The following NDE1 variants were observed in gnomAD, a reference collection of about 807,000 sequenced individuals.
NDE1 encodes nuclear distribution protein nudE homolog 1.
NDE1 carries 28 observed loss-of-function variants against 43.4 expected under a neutral mutation model. The observed-to-expected ratio is 0.65, with a 90% confidence interval of 0.48 to 0.89. NDE1 has a LOEUF of 0.89. Ranked by LOEUF, NDE1 falls within the 40% of genes least tolerant of loss-of-function variation. NDE1 has a pLI of 0.00. For synonymous variants in NDE1, 184 were observed against 172.0 expected, an observed-to-expected ratio of 1.07 and a Z score of -0.55; for missense variants, 441 against 434.1, an observed-to-expected ratio of 1.02 and a Z score of -0.14.
At chr16:15,644,822 T>C (rs2036282744) in intron 1 of NDE1, among the ~76,000 whole-genome samples, 1 of 152,184 alleles carries the variant, frequency 6.6e-6, no homozygotes, top group Non-Finnish European at 1.5e-5. Context: ...ACTAAAAATC[T>C]TAAGAAACAA....
chr16:15,680,111 A>G (rs563671633), intron 4 of NDE1, among the ~76,000 whole-genome samples: 2 of 151,974 alleles, frequency 1.3e-5, no homozygotes, highest in Non-Finnish European at 2.9e-5. Flanking sequence ...TTCTTGATTT[A>G]TTTGGTTTTC....
intron 3 of NDE1, among the ~76,000 whole-genome samples, chr16:15,668,968 C>A (rs931113810): frequency 4.6e-5 from 7 of 151,938 alleles, no homozygotes; most frequent in African/African-American, 1.7e-4. Context: ...AGCGCGATCT[C>A]GGCTCACTGC....
At chr16:15,713,512 T>C (rs2039938808) in intron 8 of NDE1, 1 of 152,394 alleles carries the variant, frequency 6.6e-6, no homozygotes, top group South Asian at 2.1e-4. Flanking sequence ...TTTGGGTTTT[T>C]TGAGACAGGG....
At chr16:15,718,122 G>A in intron 8 of NDE1, 1 of 831,818 alleles carries the variant, frequency 1.2e-6, no homozygotes, top group Non-Finnish European at 1.9e-6. Context: ...AGCGTGGAGA[G>A]GAGTATTCTG....
chr16:15,712,594 C>T (rs1390751347), intron 8 of NDE1, among the ~76,000 whole-genome samples: 1 of 152,018 alleles, frequency 6.6e-6, no homozygotes, highest in Non-Finnish European at 1.5e-5. Context: ...AGACTCTGCC[C>T]AAAAGAGAAC....
Position 15,717,279 on chromosome 16 carries a change from G to C in NDE1, c.948-6912G>C, listed in dbSNP as rs1596704952. The C allele has an allele frequency of 6.2e-7, 1 of 1,613,708 alleles. No individual in the cohort carries two copies. The highest frequency in any genetic ancestry group is 8.5e-7 in the Non-Finnish European group (1 of 1,180,042). Reference sequence around the variant, plus strand: ...AGCTCCTTGTTCTGCCGCTCGAGCTGCTGCCGGGCACTCTCATTCTTCTGG... The same window carrying C: ...AGCTCCTTGTTCTGCCGCTCGAGCTCCTGCCGGGCACTCTCATTCTTCTGG... On this transcript the variant is annotated intron_variant, in intron 8 of 8. Coordinates refer to ENST00000396354, the MANE Select transcript of NDE1 (RefSeq NM_017668.3).
chr16:15,720,017 A>G, intron 8 of NDE1: 1 of 1,296,340 alleles, frequency 7.7e-7, no homozygotes, highest in South Asian at 1.2e-5. Context: ...GAATGGTTCC[A>G]GAAAAACCCC....
chr16:15,695,716 G>A, intron 7 of NDE1: 2 of 985,044 alleles, frequency 2.0e-6, no homozygotes, highest in Non-Finnish European at 2.4e-6. Flanking sequence ...ATAGAAGCTT[G>A]CAACTCATTT....
At chr16:15,687,176 C>A in intron 4 of NDE1, 199 bp from the exon 5 acceptor site, 1 of 1,497,322 alleles carries the variant, frequency 6.7e-7, no homozygotes, top group Non-Finnish European at 8.9e-7. Flanking sequence ...ACCCCATGAG[C>A]TATGATGAGT....
Position 15,716,013 on chromosome 16 carries a change from G to A in NDE1, c.948-8178G>A, listed in dbSNP as rs543519274. Among the ~76,000 whole-genome samples, 7 of 152,220 alleles carry A rather than the reference G, an allele frequency of 4.6e-5. No individual in the cohort carries two copies. The East Asian group carries it at 1.4e-3, about 29-fold the overall frequency. On this transcript the variant is annotated intron_variant, in intron 8 of 8. Coordinates refer to ENST00000396354, the MANE Select transcript of NDE1 (RefSeq NM_017668.3). ...ACAGTGGTGTGCACCTGTAGTCCCA[G>A]CTACTTGGGAGGGTGAGGCGGAGGT...
intron 4 of NDE1, chr16:15,684,017 G>T (rs1349429729): frequency 1.3e-5 from 2 of 151,904 alleles, no homozygotes; most frequent in African/African-American, 4.8e-5. Flanking sequence ...GATCACCTGA[G>T]GTTAGGAGTT....
At chr16:15,684,695 A>G (rs1744641048) in intron 4 of NDE1, 1 of 152,188 alleles carries the variant, frequency 6.6e-6, no homozygotes, top group African/African-American at 2.4e-5. Context: ...GTGTTAGGGT[A>G]CAGTATGAGG....
rs1403966348 is a variant in NDE1 at position 15,726,260 on chromosome 16, A to G, written c.*2009A>G. The G allele has an allele frequency of 6.5e-6, 1 of 154,986 alleles. No homozygotes were observed. Among genetic ancestry groups the G allele is most frequent in the Admixed American group, 6.4e-5 (1 of 15,622 alleles). 9.6% of individuals were successfully genotyped at this position (154,986 alleles called of 1,614,324 possible). A position where few individuals can be genotyped will look rare whatever the true frequency, so the allele number is the denominator to read the frequency against. The stretch of plus-strand genomic sequence containing the variant: ...CGGCTGGAGTCCTACTGGGGCAGCG[A>G]CAGTGTCTCTTCTTCCTTGCTGTTG... On this transcript the variant is annotated 3_prime_UTR_variant, in exon 9 of 9. Transcript: ENST00000396354.
intron 4 of NDE1, chr16:15,686,604 A>C (rs1045374446): frequency 3.2e-6 from 3 of 941,398 alleles, no homozygotes; most frequent in South Asian, 4.9e-5. Flanking sequence ...CTTGAGCCCA[A>C]GAGTTTGAGA....
At chr16:15,649,351 G>A (rs2036397721), upstream of NDE1, 1 of 152,180 alleles carries the variant, frequency 6.6e-6, no homozygotes, top group African/African-American at 2.4e-5. Context: ...CTTTAAGACG[G>A]AGTCTTGCCC....
At chr16:15,718,995 G>C (rs544391016) in intron 8 of NDE1, 1 of 578,108 alleles carries the variant, frequency 1.7e-6, no homozygotes, top group African/African-American at 1.9e-5. Flanking sequence ...AGGCATGGTG[G>C]TACACACCTG....
chr16:15,720,419 G>T, intron 8 of NDE1: 1 of 1,436,464 alleles, frequency 7.0e-7, no homozygotes, highest in South Asian at 1.2e-5. Flanking sequence ...GCCCCCTTGT[G>T]AGGTGGGCAT....
intron 1 of NDE1, chr16:15,651,481 G>A (rs1024761765): frequency 5.8e-5 from 8 of 138,740 alleles, no homozygotes; most frequent in Non-Finnish European, 1.1e-4. Flanking sequence ...TCTCACTCTC[G>A]CCCAGGTTGG....
In NDE1 at chr16:15,715,306, G is replaced by A. The variant is rs781709429; in HGVS notation, c.948-8885G>A. Reference sequence around the variant, plus strand: ...AGCAAGGAAAACAGGTGGTTTCAGCGGAGGGTGGCACCCCTTGTAGCTGGT... The same window carrying A: ...AGCAAGGAAAACAGGTGGTTTCAGCAGAGGGTGGCACCCCTTGTAGCTGGT... On this transcript the variant is annotated intron_variant, in intron 8 of 8. Coordinates refer to ENST00000396354, the MANE Select transcript of NDE1 (RefSeq NM_017668.3). 1.3e-4 allele frequency: 217 copies of A among 1,607,720 alleles called. 1 individual carries two copies. The highest frequency in any genetic ancestry group is 9.7e-4 in the Admixed American group (58 of 59,980).
Sources: gnomAD v4.1 joint callset for allele counts (sites outside exome capture counted in the v4.1 genomes callset) on GRCh38, gnomAD v4.1.1 for gene constraint, MANE v1.5 for transcripts, NCBI Gene and HGNC (gene_info 2026-07-23, HGNC 2026-07-21) for gene names.